The following HS3ST5 variants were observed in gnomAD, a reference collection of about 807,000 sequenced individuals.
The protein encoded by HS3ST5 is heparan sulfate glucosamine 3-O-sulfotransferase 5.
In HS3ST5, 10 loss-of-function variants were observed where a neutral mutation model predicts 25.4. That is an observed-to-expected ratio of 0.39 (90% confidence interval 0.24 to 0.67). The LOEUF (loss-of-function observed/expected upper bound fraction) is 0.67, where lower values mean the gene tolerates loss of function less well. Among genes scored for constraint, HS3ST5 ranks in the 30% least tolerant of loss-of-function variants. HS3ST5 has a pLI of 0.44. For synonymous variants in HS3ST5, 170 were observed against 162.4 expected (o/e 1.05, Z -0.36); for missense variants, 324 against 420.7 (o/e 0.77, Z 2.01).
chr6:114,063,384 G>A (rs1301150730), intron 3 of HS3ST5, among the ~76,000 whole-genome samples: 1 of 152,044 alleles, frequency 6.6e-6, no homozygotes, highest in Non-Finnish European at 1.5e-5. Flanking sequence ...GCACAGTGGT[G>A]GGCCCCTGTA....
intron 3 of HS3ST5, among the ~76,000 whole-genome samples, chr6:114,118,947 G>A (rs1562203994): frequency 6.6e-6 from 1 of 152,184 alleles, no homozygotes; most frequent in African/African-American, 2.4e-5. Flanking sequence ...AAGACCAAGA[G>A]GAACACAGGA....
intron 3 of HS3ST5, among the ~76,000 whole-genome samples, chr6:114,166,566 A>AT (rs920018649): frequency 3.4e-4 from 52 of 152,154 alleles, no homozygotes; most frequent in African/African-American, 1.0e-3. Context: ...CTAAAATGTT[A>AT]TTTTTTTATA....
intron 3 of HS3ST5, among the ~76,000 whole-genome samples, chr6:114,108,381 C>A (rs774830337): frequency 6.6e-6 from 1 of 152,090 alleles, no homozygotes; most frequent in Non-Finnish European, 1.5e-5. Flanking sequence ...GCTTGAAATC[C>A]ACTTTCTAGG....
At chr6:114,109,787 G>A (rs1006345120) in intron 3 of HS3ST5, among the ~76,000 whole-genome samples, 2 of 152,148 alleles carry the variant, frequency 1.3e-5, no homozygotes, top group Non-Finnish European at 2.9e-5. Context: ...ATGTCAAATA[G>A]CAATTCTGCC....
intron 1 of HS3ST5, among the ~76,000 whole-genome samples, chr6:114,337,898 T>C (rs1776671849): frequency 6.6e-6 from 1 of 152,060 alleles, no homozygotes; most frequent in South Asian, 2.1e-4. Context: ...CTCACCTTCC[T>C]CAACTCCTAA....
At chr6:114,290,088 T>G (rs1449035250) in intron 1 of HS3ST5, among the ~76,000 whole-genome samples, 1 of 152,280 alleles carries the variant, frequency 6.6e-6, no homozygotes, top group East Asian at 1.9e-4. Context: ...TTCTATAAGT[T>G]CCATACTTAT....
intron 1 of HS3ST5, among the ~76,000 whole-genome samples, chr6:114,263,426 T>C (rs1322148616): frequency 6.6e-6 from 1 of 152,152 alleles, no homozygotes; most frequent in Non-Finnish European, 1.5e-5. Flanking sequence ...ACAAAACCCT[T>C]GTTAGCTTGT....
chr6:114,289,337 C>A (rs956754517), intron 1 of HS3ST5, among the ~76,000 whole-genome samples: 2 of 151,914 alleles, frequency 1.3e-5, no homozygotes, highest in Non-Finnish European at 2.9e-5. Context: ...AAATCAGCAA[C>A]GTGTACAGTT....
intron 1 of HS3ST5, among the ~76,000 whole-genome samples, chr6:114,286,849 AAAAC>A (rs1193572058): frequency 6.6e-6 from 1 of 152,046 alleles, no homozygotes; most frequent in Admixed American, 6.5e-5. Flanking sequence ...TTTTAAGAAA[AAAAC>A]AACTCGCATT....
chr6:114,080,066 C>T (rs1774367411), intron 3 of HS3ST5, among the ~76,000 whole-genome samples: 1 of 152,174 alleles, frequency 6.6e-6, no homozygotes, highest in Non-Finnish European at 1.5e-5. Context: ...CGTGAGCCAC[C>T]ACGCTCGGCC....
intron 1 of HS3ST5, among the ~76,000 whole-genome samples, chr6:114,272,782 A>G (rs1773689374): frequency 6.6e-6 from 1 of 152,142 alleles, no homozygotes; most frequent in East Asian, 1.9e-4. Flanking sequence ...GTGAAGGAAC[A>G]AGGCATGCAG....
chr6:114,204,510 C>T (rs541602054), intron 2 of HS3ST5, among the ~76,000 whole-genome samples: 44 of 152,098 alleles, frequency 2.9e-4, no homozygotes, highest in Admixed American at 5.2e-4. Context: ...ACATCTCTGA[C>T]GAATTTTTAG....
intron 2 of HS3ST5, among the ~76,000 whole-genome samples, chr6:114,191,691 G>C (rs1470331442): frequency 6.6e-6 from 1 of 152,162 alleles, no homozygotes; most frequent in Non-Finnish European, 1.5e-5. Flanking sequence ...GCTGGGGCTT[G>C]ACAGTTACTC....
intron 1 of HS3ST5, among the ~76,000 whole-genome samples, chr6:114,321,639 T>C (rs919985707): frequency 6.6e-6 from 1 of 152,168 alleles, no homozygotes; most frequent in Non-Finnish European, 1.5e-5. Context: ...TGAAGGTTTT[T>C]TTCACTTACC....
At chr6:114,304,889 A>C (rs1177770706) in intron 1 of HS3ST5, among the ~76,000 whole-genome samples, 1 of 152,122 alleles carries the variant, frequency 6.6e-6, no homozygotes, top group East Asian at 1.9e-4. Flanking sequence ...ATATTTTTAA[A>C]AGTTAGCTCT....
intron 2 of HS3ST5, among the ~76,000 whole-genome samples, chr6:114,185,779 A>T: frequency 7.0e-6 from 1 of 143,464 alleles, no homozygotes; most frequent in South Asian, 2.2e-4. Context: ...TTGATCTGTC[A>T]CTGAGGCTGG....
At chr6:114,256,252 G>T (rs1022074606) in intron 1 of HS3ST5, among the ~76,000 whole-genome samples, 1 of 152,024 alleles carries the variant, frequency 6.6e-6, no homozygotes, top group African/African-American at 2.4e-5. Flanking sequence ...GCTGGGCGTG[G>T]TGGTGGGCGC....
chr6:114,072,367 A>G (rs551964508), intron 3 of HS3ST5, among the ~76,000 whole-genome samples: 1 of 152,282 alleles, frequency 6.6e-6, no homozygotes, highest in East Asian at 1.9e-4. Flanking sequence ...ATGCCCATCC[A>G]CTGGCATGCT....
intron 2 of HS3ST5, among the ~76,000 whole-genome samples, chr6:114,203,577 A>G (rs1002059801): frequency 2.0e-5 from 3 of 152,194 alleles, no homozygotes; most frequent in Non-Finnish European, 4.4e-5. Context: ...AGACTTTTGC[A>G]TTCTGATGAC....
Sources: allele counts gnomAD v4.1 joint callset (sites outside exome capture counted in the v4.1 genomes callset), GRCh38; gene constraint gnomAD v4.1.1; transcripts MANE v1.5; gene names NCBI Gene and HGNC (gene_info 2026-07-23, HGNC 2026-07-21).